Variants in LUZP2 observed in about 807,000 individuals in gnomAD.
LUZP2 encodes the protein leucine zipper protein 2.
A neutral mutation model predicts 51.6 loss-of-function variants in LUZP2; 52 were observed. The ratio of observed to expected loss-of-function variants is 1.01; its 90% CI spans 0.81 to 1.27. The LOEUF (loss-of-function observed/expected upper bound fraction) is 1.27, where lower values mean the gene tolerates loss of function less well. Among genes scored for constraint, LUZP2 ranks in the 50% most tolerant of loss-of-function variants. The pLI is 0.00. For synonymous variants in LUZP2, 154 were observed against 137.3 expected, an observed-to-expected ratio of 1.12 and a Z score of -0.85; for missense variants, 436 against 395.4, an observed-to-expected ratio of 1.10 and a Z score of -0.87.
chr11:24,681,943 C>T (rs937551998), intron 1 of LUZP2, among the ~76,000 whole-genome samples: 1 of 152,124 alleles, frequency 6.6e-6, no homozygotes, highest in Non-Finnish European at 1.5e-5. Context: ...CATCTACATG[C>T]ATGCAGAAAC....
chr11:24,917,944 AT>A (rs1853852159), intron 7 of LUZP2, among the ~76,000 whole-genome samples: 1 of 151,902 alleles, frequency 6.6e-6, no homozygotes, highest in Non-Finnish European at 1.5e-5. Context: ...CATTTTCATG[AT>A]ATTGATTCTT....
At chr11:24,947,443 A>G (rs1854930428) in intron 7 of LUZP2, among the ~76,000 whole-genome samples, 1 of 151,926 alleles carries the variant, frequency 6.6e-6, no homozygotes, top group South Asian at 2.1e-4. Flanking sequence ...AAATATCCAC[A>G]TAGAAGTGGA....
chr11:24,721,709 A>G (rs1858277206), intron 1 of LUZP2, among the ~76,000 whole-genome samples: 1 of 152,182 alleles, frequency 6.6e-6, no homozygotes, highest in African/African-American at 2.4e-5. Flanking sequence ...TGGAGCAGAA[A>G]ACTCAACATT....
At position 24,535,689 on chromosome 11, in the gene LUZP2, GA is replaced by G. The variant is rs150138889; in HGVS notation, c.62+38386del. ...ACACACCTTCCTCCATTAAAGTATT[GA>G]ATTCCCCAAAGACATCCATGAGGGT... On this transcript the variant is annotated intron_variant, in intron 1 of 11. Coordinates refer to ENST00000336930, the MANE Select transcript of LUZP2 (RefSeq NM_001009909.4). 9.1e-3 allele frequency among the ~76,000 whole-genome samples: 1,316 copies of G among 144,686 alleles called. 21 individuals are homozygous for G. The highest frequency in any genetic ancestry group is 0.032 in the African/African-American group (1,258 of 39,158). 94.9% of individuals were successfully genotyped at this position (144,686 alleles called of 152,430 possible).
At chr11:24,629,807 C>G (rs1285436935) in intron 1 of LUZP2, among the ~76,000 whole-genome samples, 1 of 151,632 alleles carries the variant, frequency 6.6e-6, no homozygotes, top group Non-Finnish European at 1.5e-5. Context: ...TTTATTTTCC[C>G]AAAATAGTGT....
Position 24,497,295 on chromosome 11 carries a change from C to G in LUZP2, c.52C>G (p.Leu18Val), listed in dbSNP as rs1265306955. The G allele has an allele frequency of 1.3e-6, 2 of 1,564,804 alleles. No individual in the cohort carries two copies. The highest frequency in any genetic ancestry group is 3.6e-5 in the Admixed American group (2 of 55,132). Residue 18 changes from leucine (L) to valine (V), a missense_variant, in exon 1 of 12, where the codon CTC (leucine) becomes GTC (valine). Coordinates refer to ENST00000336930, the MANE Select transcript of LUZP2 (RefSeq NM_001009909.4). ...YLLPLLPALV[L>V]STRQDYEELE... ...GCTGCCTCTCCTGCCTGCGCTGGTC[C>G]TCAGCACCAGGTGAGTCCAGGAGCG...
At chr11:24,895,956 A>G (rs1345256779) in intron 5 of LUZP2, among the ~76,000 whole-genome samples, 6 of 152,244 alleles carry the variant, frequency 3.9e-5, no homozygotes, top group Non-Finnish European at 8.8e-5. Context: ...GTTCCCACCA[A>G]TACTGTATAA....
Position 25,071,011 on chromosome 11 carries a change from A to T in LUZP2, c.859-6318A>T, listed in dbSNP as rs201039838. On this transcript the variant is annotated intron_variant, in intron 10 of 11. Coordinates refer to ENST00000336930, the MANE Select transcript of LUZP2 (RefSeq NM_001009909.4). ...ACAGATGAAAAACAGAGCCCTATTC[A>T]TGTAAACTGACACGAAACCATTCGT... Among the ~76,000 whole-genome samples, 39 of 152,064 alleles carry T rather than the reference A, an allele frequency of 2.6e-4. No homozygotes were observed. The East Asian group carries it at 7.2e-3, about 28-fold the overall frequency.
rs192858355 is a variant in LUZP2, at chr11:24,931,274, A to T, written c.522+16736A>T. Reference sequence around the variant, plus strand: ...TAAAATAAAATAAAATAAAATAAAAAGTTCTTTTTTATTTATCTTTGTTGG... The same window carrying T: ...TAAAATAAAATAAAATAAAATAAAATGTTCTTTTTTATTTATCTTTGTTGG... On this transcript the variant is annotated intron_variant, in intron 7 of 11. Transcript: ENST00000336930. 3.3e-4 allele frequency among the ~76,000 whole-genome samples: 49 copies of T among 147,032 alleles called. 1 individual carries two copies. The highest frequency in any genetic ancestry group is 1.2e-3 in the African/African-American group (47 of 40,060).
intron 7 of LUZP2, 93 bp from the exon 8 acceptor site, chr11:24,976,498 C>G: frequency 9.4e-6 from 6 of 636,158 alleles, no homozygotes; most frequent in African/African-American, 2.1e-5. Context: ...TCTTTTCTCT[C>G]TTTTTACAAT....
chr11:24,823,240 G>A (rs982759476), intron 5 of LUZP2, among the ~76,000 whole-genome samples: 19 of 152,068 alleles, frequency 1.2e-4, no homozygotes, highest in Non-Finnish European at 1.9e-4. Flanking sequence ...TGAAAAGTAG[G>A]TAAACATATT....
chr11:24,814,325 T>C (rs1245508186), intron 5 of LUZP2, among the ~76,000 whole-genome samples: 1 of 122,244 alleles, frequency 8.2e-6, no homozygotes, highest in African/African-American at 3.1e-5. Context: ...AAGTACTTCA[T>C]GGATATGTAT....
intron 1 of LUZP2, among the ~76,000 whole-genome samples, chr11:24,646,288 T>G (rs1855458047): frequency 6.6e-6 from 1 of 152,098 alleles, no homozygotes; most frequent in Non-Finnish European, 1.5e-5. Context: ...AATTATTTTC[T>G]ACAAATGCTT....
At chr11:24,875,028 A>G (rs544301274) in intron 5 of LUZP2, among the ~76,000 whole-genome samples, 53 of 152,310 alleles carry the variant, frequency 3.5e-4, no homozygotes, top group Non-Finnish European at 7.3e-4. Context: ...GGCTACTGGT[A>G]TATAAACAGA....
chr11:24,893,371 A>C (rs1174071958), intron 5 of LUZP2: 2 of 152,164 alleles, frequency 1.3e-5, no homozygotes, highest in Non-Finnish European at 2.9e-5. Context: ...AAAAAAACAA[A>C]AGTAGCAAAA....
At position 24,564,353 on chromosome 11, in the gene LUZP2, A is replaced by G. The variant is rs76083450; in HGVS notation, c.62+67048A>G. Among the ~76,000 whole-genome samples the G allele has an allele frequency of 3.2e-4, 49 of 152,310 alleles. No individual in the cohort carries two copies. In the East Asian group the frequency reaches 9.3e-3, roughly 29 times the overall value. The stretch of plus-strand genomic sequence containing the variant: ...TTAGCTCAAAATATATCACTAATAA[A>G]GTAAAATTTGTTTTTAATATAACTG... On this transcript the variant is annotated intron_variant, in intron 1 of 11. Coordinates refer to ENST00000336930, the MANE Select transcript of LUZP2 (RefSeq NM_001009909.4).
At chr11:24,520,562 G>C (rs1309449431) in intron 1 of LUZP2, among the ~76,000 whole-genome samples, 1 of 152,178 alleles carries the variant, frequency 6.6e-6, no homozygotes, top group Non-Finnish European at 1.5e-5. Context: ...CAAGGGAAAG[G>C]AAATTGTAAA....
At chr11:24,812,876 T>A (rs567653305) in intron 5 of LUZP2, among the ~76,000 whole-genome samples, 1 of 152,302 alleles carries the variant, frequency 6.6e-6, no homozygotes, top group Admixed American at 6.5e-5. Flanking sequence ...ATCTTAAAGA[T>A]GCACATGGAA....
intron 9 of LUZP2, among the ~76,000 whole-genome samples, chr11:25,027,187 T>C (rs2133984007): frequency 6.6e-6 from 1 of 152,260 alleles, no homozygotes; most frequent in Non-Finnish European, 1.5e-5. Flanking sequence ...TTAGCTCCTC[T>C]AATGTAACAA....
Sources: allele counts gnomAD v4.1 joint callset (sites outside exome capture counted in the v4.1 genomes callset), GRCh38; gene constraint gnomAD v4.1.1; transcripts MANE v1.5; gene names NCBI Gene and HGNC (gene_info 2026-07-23, HGNC 2026-07-21).